Variants in PMVK observed in about 807,000 individuals in gnomAD.
The protein encoded by PMVK is phosphomevalonate kinase.
A neutral mutation model predicts 19.0 loss-of-function variants in PMVK; 10 were observed. That is an observed-to-expected ratio of 0.53 (90% confidence interval 0.32 to 0.89). The LOEUF (loss-of-function observed/expected upper bound fraction) is 0.89, where lower values mean the gene tolerates loss of function less well. PMVK is among the 40% of genes least tolerant of loss of function. The pLI, the probability that PMVK is intolerant of heterozygous loss-of-function variation, is 0.03. For missense variants in PMVK, 222 were observed against 251.1 expected (o/e 0.88, Z 0.78); for synonymous variants, 108 against 101.6 (o/e 1.06, Z -0.38).
chr1:154,930,278 T>G (rs1344052698), intron 2 of PMVK, among the ~76,000 whole-genome samples: 1 of 152,052 alleles, frequency 6.6e-6, no homozygotes, highest in Non-Finnish European at 1.5e-5. Flanking sequence ...ACCAATATGG[T>G]GAAACCATGT....
chr1:154,936,751 C>A (rs918476884), upstream of PMVK: 7 of 1,379,994 alleles, frequency 5.1e-6, no homozygotes, highest in African/African-American at 4.3e-5. Flanking sequence ...CGGGACACCG[C>A]GCGGAATGGA....
At chr1:154,936,989 T>G (rs560347118), upstream of PMVK, 47 of 316,036 alleles carry the variant, frequency 1.5e-4, no homozygotes, top group African/African-American at 8.2e-4. Flanking sequence ...GCCCAGAACC[T>G]TCGCTCACAG....
Position 154,925,034 on chromosome 1 carries a change from C to G in PMVK, c.*95G>C. 3.0e-5 allele frequency: 23 copies of G among 755,910 alleles called. No homozygotes were observed. The highest frequency in any genetic ancestry group is 3.9e-5 in the Non-Finnish European group (20 of 518,534). 46.8% of individuals were successfully genotyped at this position (755,910 alleles called of 1,614,324 possible). On this transcript the variant is annotated 3_prime_UTR_variant, in exon 5 of 5. Transcript: ENST00000368467. The stretch of plus-strand genomic sequence containing the variant: ...AGAATCTAGACCCCCCCTGTCTGTT[C>G]CTCACCTCGGCCAGGATCGGGGGAC...
At chr1:154,928,356 A>T (rs1204403677) in intron 3 of PMVK, among the ~76,000 whole-genome samples, 1 of 152,246 alleles carries the variant, frequency 6.6e-6, no homozygotes, top group Non-Finnish European at 1.5e-5. Flanking sequence ...AAAGTAGCAG[A>T]AACTGGATCA....
At chr1:154,928,308 G>A (rs1315930829) in intron 3 of PMVK, among the ~76,000 whole-genome samples, 1 of 152,168 alleles carries the variant, frequency 6.6e-6, no homozygotes, top group African/African-American at 2.4e-5. Flanking sequence ...GACCAAGAAG[G>A]CCAGTGTTGC....
chr1:154,939,807 G>A (rs1475343808), upstream of PMVK, among the ~76,000 whole-genome samples: 1 of 151,958 alleles, frequency 6.6e-6, no homozygotes, highest in Non-Finnish European at 1.5e-5. Context: ...TCTGTGCCCA[G>A]GCTGGAAGTG....
chr1:154,938,611 A>T (rs1654581077), upstream of PMVK, among the ~76,000 whole-genome samples: 1 of 151,944 alleles, frequency 6.6e-6, no homozygotes, highest in Non-Finnish European at 1.5e-5. Context: ...ATAAAAAAAA[A>T]CTTCCCCCAT....
At chr1:154,927,865 C>T (rs1028439413) in intron 3 of PMVK, among the ~76,000 whole-genome samples, 4 of 151,308 alleles carry the variant, frequency 2.6e-5, no homozygotes, top group African/African-American at 9.9e-5. Context: ...AAAACAGCAA[C>T]GCTTCCCTAT....
intron 1 of PMVK, chr1:154,936,331 T>G: frequency 2.1e-6 from 2 of 935,780 alleles, no homozygotes; most frequent in Non-Finnish European, 2.5e-6. Context: ...AGTGCCTTCG[T>G]AGGAACCATT....
At chr1:154,925,919 G>A (rs1266632530) in intron 4 of PMVK, among the ~76,000 whole-genome samples, 1 of 152,248 alleles carries the variant, frequency 6.6e-6, no homozygotes, top group Non-Finnish European at 1.5e-5. Context: ...CAGTGATCTA[G>A]GGCAGGAAGG....
chr1:154,926,070 CT>C (rs765230143), intron 4 of PMVK, among the ~76,000 whole-genome samples: 35 of 152,214 alleles, frequency 2.3e-4, no homozygotes, highest in Non-Finnish European at 3.2e-4. Flanking sequence ...AGGTTTGCCC[CT>C]GACCACTGTC....
At chr1:154,931,576 A>G (rs2101970254) in intron 2 of PMVK, among the ~76,000 whole-genome samples, 1 of 152,334 alleles carries the variant, frequency 6.6e-6, no homozygotes, top group East Asian at 1.9e-4. Flanking sequence ...TTTCCCATGC[A>G]GTGCAGGAAC....
upstream of PMVK, among the ~76,000 whole-genome samples, chr1:154,938,781 C>T (rs4845693): frequency 0.45 from 68,796 of 151,900 alleles, 16,566 homozygotes; most frequent in East Asian, 0.88. Context: ...CATCCTGCCT[C>T]TTGGAAAACT....
intron 1 of PMVK, among the ~76,000 whole-genome samples, chr1:154,934,510 G>T (rs1654442244): frequency 6.6e-6 from 1 of 152,042 alleles, no homozygotes; most frequent in Non-Finnish European, 1.5e-5. Flanking sequence ...TAGAGAGGGG[G>T]TCTCACTATG....
chr1:154,934,232 CAA>C (rs1654431287), intron 1 of PMVK, among the ~76,000 whole-genome samples: 1 of 152,198 alleles, frequency 6.6e-6, no homozygotes, highest in South Asian at 2.1e-4. Context: ...CTCCTGAGCT[CAA>C]GTGATCCACC....
chr1:154,940,325 T>G (rs933759966), upstream of PMVK, among the ~76,000 whole-genome samples: 5 of 152,246 alleles, frequency 3.3e-5, no homozygotes, highest in South Asian at 1.0e-3. Context: ...TCCCCTCTGC[T>G]GAATGCCTCC....
At position 154,924,817 on chromosome 1, in the gene PMVK, A is replaced by G; in HGVS notation, c.*312T>C. The G allele has an allele frequency of 5.6e-6, 2 of 356,748 alleles. No individual in the cohort carries two copies. Among genetic ancestry groups the G allele is most frequent in the South Asian group, 6.7e-5 (2 of 29,990 alleles). 22.1% of individuals were successfully genotyped at this position (356,748 alleles called of 1,614,324 possible). ...CCAGAACAAGGGGCTGAGAACATCC[A>G]GTCAGGATGCAAGGCCACCACAGGC... On this transcript the variant is annotated 3_prime_UTR_variant, in exon 5 of 5. Transcript: ENST00000368467.
intron 2 of PMVK, among the ~76,000 whole-genome samples, chr1:154,930,922 C>CA (rs933813335): frequency 5.3e-5 from 8 of 151,128 alleles, no homozygotes; most frequent in Admixed American, 2.6e-4. Context: ...CCCATCTCTA[C>CA]AAAAAAAAAT....
intron 2 of PMVK, among the ~76,000 whole-genome samples, chr1:154,930,305 A>G (rs1009826697): frequency 1.3e-5 from 2 of 152,128 alleles, no homozygotes; most frequent in Non-Finnish European, 2.9e-5. Context: ...TAAAAATACA[A>G]AACAATTACC....
Sources: gnomAD v4.1 joint callset for allele counts (sites outside exome capture counted in the v4.1 genomes callset) on GRCh38, gnomAD v4.1.1 for gene constraint, MANE v1.5 for transcripts, NCBI Gene and HGNC (gene_info 2026-07-23, HGNC 2026-07-21) for gene names.